C16orf96: variants seen among roughly 807,000 people sequenced by gnomAD.
C16orf96 encodes uncharacterized protein C16orf96.
In C16orf96, 108 loss-of-function variants were observed where a neutral mutation model predicts 103.6. The ratio of observed to expected loss-of-function variants is 1.04; its 90% CI spans 0.89 to 1.22. C16orf96 has a LOEUF of 1.22. Ranked by LOEUF, C16orf96 falls within the 50% of genes most tolerant of loss-of-function variation. C16orf96 has a pLI of 0.00. For missense variants in C16orf96, 1,586 were observed against 1,464.2 expected, an observed-to-expected ratio of 1.08 and a Z score of -1.36; for synonymous variants, 566 against 593.5, an observed-to-expected ratio of 0.95 and a Z score of 0.67.
chr16:4,549,471 TAAAA>T, the C16orf96 span, among the ~76,000 whole-genome samples: 6 of 96,650 alleles, frequency 6.2e-5, no homozygotes, highest in Admixed American at 2.4e-4. Context: ...AGACTCTGTC[TAAAA>T]AAAAAAAAAA....
At chr16:4,573,485 G>A (rs1164112822) in intron 2 of C16orf96, among the ~76,000 whole-genome samples, 2 of 146,920 alleles carry the variant, frequency 1.4e-5, no homozygotes, top group Non-Finnish European at 3.0e-5. Context: ...CGGCATGGTG[G>A]TTCACGCCTG....
chr16:4,600,572 C>CGA lies in C16orf96; in HGVS notation c.*256_*257insAG. 1 of 466,010 alleles carries CGA rather than the reference C, an allele frequency of 2.1e-6. No individual in the cohort carries two copies. Among genetic ancestry groups the CGA allele is most frequent in the Non-Finnish European group, 4.0e-6 (1 of 251,810 alleles). The allele number at this position is 466,010 out of a possible 1,614,324, so 28.9% of individuals were successfully genotyped here. On this transcript the variant is annotated 3_prime_UTR_variant, in exon 16 of 16. Transcript: ENST00000444310. ...CCCCACCCCCACCAAGTCCCGTCCC[C>CGA]GGCTGAGACCCAGGGCCCTGAGCCT...
chr16:4,576,735 A>T, intron 5 of C16orf96, 100 bp downstream of exon 5: 1 of 1,162,184 alleles, frequency 8.6e-7, no homozygotes, highest in Non-Finnish European at 1.2e-6. Flanking sequence ...CACCAACAAA[A>T]TCTGCATTCC....
At chr16:4,596,112 C>G (rs771009977) in intron 14 of C16orf96, among the ~76,000 whole-genome samples, 12 of 152,128 alleles carry the variant, frequency 7.9e-5, no homozygotes, top group Admixed American at 2.6e-4. Context: ...TGATTCGTCT[C>G]CTGGGGTTGC....
the C16orf96 span, chr16:4,538,734 A>T: frequency 6.6e-6 from 1 of 152,346 alleles, no homozygotes; most frequent in East Asian, 1.9e-4. Flanking sequence ...CGGCCGCAAC[A>T]GCAGGACCGA....
intron 5 of C16orf96, 35 bp from the exon 6 acceptor site, chr16:4,578,905 G>A (rs748170340): frequency 1.5e-4 from 222 of 1,516,500 alleles, no homozygotes; most frequent in Non-Finnish European, 1.9e-4. Context: ...TCCTCCATCC[G>A]AGCCCTCAGC....
intron 7 of C16orf96, among the ~76,000 whole-genome samples, chr16:4,586,582 G>C (rs1200788932): frequency 6.6e-6 from 1 of 152,204 alleles, no homozygotes; most frequent in Non-Finnish European, 1.5e-5. Flanking sequence ...GGGGCAGTTG[G>C]TTCTTTGTGG....
chr16:4,565,350 C>T (rs565977215), intron 1 of C16orf96, among the ~76,000 whole-genome samples: 2 of 152,326 alleles, frequency 1.3e-5, no homozygotes, highest in African/African-American at 4.8e-5. Context: ...CCACAGCTCT[C>T]TCTCCTGCCC....
At chr16:4,570,955 G>A (rs1180719535) in intron 1 of C16orf96, among the ~76,000 whole-genome samples, 2 of 152,138 alleles carry the variant, frequency 1.3e-5, no homozygotes, top group Non-Finnish European at 2.9e-5. Flanking sequence ...GATTGCTTGA[G>A]CTCAGGAATT....
At position 4,600,136 on chromosome 16, in the gene C16orf96, C is replaced by T. The variant is rs1327067205; in HGVS notation, c.3245C>T (p.Ser1082Leu). The stretch of plus-strand genomic sequence containing the variant: ...CGCTCCAGTGCCTGCTCAGCTGCCT[C>T]GGGCCCTCACCTGACGATGCCAGCT... ...CPRSSACSAA[S>L]GPHLTMPARP... The change falls in exon 16 of 16, where the codon TCG becomes TTG. Residue 1082 changes from serine (S) to leucine (L), a missense_variant. Ser to Leu is a moderately radical substitution (Grantham distance 145). Coordinates refer to ENST00000444310, the MANE Select transcript of C16orf96 (RefSeq NM_001145011.2). 13 of 1,551,606 alleles carry T rather than the reference C, an allele frequency of 8.4e-6. No homozygotes were observed. The highest frequency in any genetic ancestry group is 2.4e-5 in the East Asian group (1 of 40,922).
intron 1 of C16orf96, among the ~76,000 whole-genome samples, chr16:4,558,811 A>G (rs1245845832): frequency 1.3e-5 from 2 of 151,002 alleles, no homozygotes; most frequent in African/African-American, 4.9e-5. Context: ...GCTACTCGGG[A>G]GGCTGAGGCA....
intron 9 of C16orf96, among the ~76,000 whole-genome samples, chr16:4,590,580 A>T (rs1305191619): frequency 1.4e-5 from 2 of 145,840 alleles, no homozygotes; most frequent in African/African-American, 5.1e-5. Context: ...AAATAAATAA[A>T]TAAAATAAAA....
chr16:4,546,010 C>A, the C16orf96 span, among the ~76,000 whole-genome samples: 12 of 151,496 alleles, frequency 7.9e-5, no homozygotes, highest in Non-Finnish European at 1.3e-4. Context: ...CCACCATGCC[C>A]GGCTAATTTT....
At position 4,600,359 on chromosome 16, in the gene C16orf96, G is replaced by C. The variant is rs1483624645; in HGVS notation, c.*42G>C. On this transcript the variant is annotated 3_prime_UTR_variant, in exon 16 of 16. Coordinates refer to ENST00000444310, the MANE Select transcript of C16orf96 (RefSeq NM_001145011.2). ...CCCCCCATCGCCAAGTCCCCTCCAC[G>C]TCCGAGGCTGAGGCCCATGTGGCCC... 40 of 1,355,424 alleles carry C rather than the reference G, an allele frequency of 3.0e-5. No homozygotes were observed. The highest frequency in any genetic ancestry group is 3.9e-5 in the Non-Finnish European group (39 of 1,011,070). 84.0% of individuals were successfully genotyped at this position (1,355,424 alleles called of 1,614,324 possible). A position where few individuals can be genotyped will look rare whatever the true frequency, so the allele number is the denominator to read the frequency against.
In C16orf96 at chr16:4,556,449, G is replaced by T; in HGVS notation, c.-41G>T. 1.3e-6 allele frequency: 2 copies of T among 1,482,538 alleles called. No individual in the cohort carries two copies. Among genetic ancestry groups the T allele is most frequent in the South Asian group, 1.3e-5 (1 of 74,522 alleles). 91.8% of individuals were successfully genotyped at this position (1,482,538 alleles called of 1,614,324 possible). ...ACTGAAAGCTACCCCTTGTCCTTGA[G>T]GACACCTGGAACCCCAGCCCCACTG... is the stretch of plus-strand genomic sequence containing the variant. On this transcript the variant is annotated 5_prime_UTR_variant, in exon 1 of 16. In the 5' UTR this introduces an upstream ATG that the reference lacks. Transcript: ENST00000444310.
At chr16:4,542,731 A>G in the C16orf96 span, among the ~76,000 whole-genome samples, 3 of 152,138 alleles carry the variant, frequency 2.0e-5, 1 homozygote, top group Non-Finnish European at 4.4e-5. Flanking sequence ...TGGGAGGCGG[A>G]GGTTGCAGTG....
At chr16:4,589,429 A>G (rs1897005683) in intron 9 of C16orf96, among the ~76,000 whole-genome samples, 1 of 151,878 alleles carries the variant, frequency 6.6e-6, no homozygotes, top group South Asian at 2.1e-4. Flanking sequence ...AAAAAAAAAA[A>G]AAAGCCAGGT....
At chr16:4,575,089 G>A (rs1197355438) in intron 4 of C16orf96, 31 bp downstream of exon 4, 1 of 1,550,710 alleles carries the variant, frequency 6.4e-7, no homozygotes, top group Non-Finnish European at 8.7e-7. Context: ...AGGTTAGCAG[G>A]AAGCTGGGGA....
At chr16:4,583,063 C>A (rs960710978) in intron 7 of C16orf96, among the ~76,000 whole-genome samples, 8 of 151,984 alleles carry the variant, frequency 5.3e-5, no homozygotes, top group Admixed American at 2.6e-4. Flanking sequence ...TGATGAAAGC[C>A]GATCGCTACT....
Sources: gnomAD v4.1 joint callset for allele counts (sites outside exome capture counted in the v4.1 genomes callset) on GRCh38, gnomAD v4.1.1 for gene constraint, MANE v1.5 for transcripts, NCBI Gene and HGNC (gene_info 2026-07-23, HGNC 2026-07-21) for gene names.